The following PHAX variants were observed in gnomAD, a reference collection of about 807,000 sequenced individuals.
PHAX encodes the protein phosphorylated adapter RNA export protein.
Under a neutral mutation model 41.6 loss-of-function variants are expected in PHAX, and 31 were observed. The observed-to-expected ratio is 0.75, with a 90% CI of 0.56 to 1.01. The LOEUF (loss-of-function observed/expected upper bound fraction) is 1.01, where lower values mean the gene tolerates loss of function less well. PHAX is among the 50% of genes least tolerant of loss of function. The probability of loss-of-function intolerance (pLI) is 0.00; values close to 1 mark genes in which losing one functional copy is unlikely to be tolerated. For synonymous variants in PHAX, 175 were observed against 164.9 expected (o/e 1.06, Z -0.47); for missense variants, 453 against 472.9 (o/e 0.96, Z 0.39).
intron 3 of PHAX, among the ~76,000 whole-genome samples, chr5:126,609,070 A>C (rs1227471124): frequency 6.8e-6 from 1 of 147,742 alleles, no homozygotes; most frequent in Non-Finnish European, 1.5e-5. Context: ...CATTTCTTAC[A>C]TGATTTGTTA....
chr5:126,618,140 GA>G (rs1474051568), intron 4 of PHAX, among the ~76,000 whole-genome samples: 1 of 149,696 alleles, frequency 6.7e-6, no homozygotes, highest in Non-Finnish European at 1.5e-5. Context: ...TTTTTGTAGA[GA>G]TGTTGCCCAG....
At chr5:126,614,156 T>C (rs909845878) in intron 3 of PHAX, among the ~76,000 whole-genome samples, 1 of 152,158 alleles carries the variant, frequency 6.6e-6, no homozygotes, top group Non-Finnish European at 1.5e-5. Context: ...TGGAGTACAG[T>C]GTTGCCATCT....
chr5:126,608,274 A>G lies in PHAX; in HGVS notation c.711-90A>G. On this transcript the variant is annotated intron_variant, in intron 2 of 4. Transcript: ENST00000297540. ...ATTTAGAAAACCAAAAGTTACTAGAATCAGATTTTTATTCTAGCTGGTGAC... is the reference window on the plus strand; with the variant it reads ...ATTTAGAAAACCAAAAGTTACTAGAGTCAGATTTTTATTCTAGCTGGTGAC... 7 of 1,445,110 alleles carry G rather than the reference A, an allele frequency of 4.8e-6. No individual in the cohort carries two copies. The South Asian group carries it at 8.7e-5, about 18-fold the overall frequency. 89.5% of individuals were successfully genotyped at this position (1,445,110 alleles called of 1,614,324 possible).
chr5:126,620,392 A>G (rs376102511), intron 4 of PHAX, among the ~76,000 whole-genome samples: 1 of 152,356 alleles, frequency 6.6e-6, no homozygotes, highest in East Asian at 1.9e-4. Context: ...CTCAGGCAGG[A>G]GAAAAGAAAT....
At chr5:126,611,154 C>T (rs1752090910) in intron 3 of PHAX, among the ~76,000 whole-genome samples, 1 of 151,994 alleles carries the variant, frequency 6.6e-6, no homozygotes, top group South Asian at 2.1e-4. Flanking sequence ...CTCCCGGGTT[C>T]AAGCGATTCT....
At chr5:126,601,253 CG>C (rs1023349062) in intron 1 of PHAX, among the ~76,000 whole-genome samples, 195 bp downstream of exon 1, 7 of 152,004 alleles carry the variant, frequency 4.6e-5, no homozygotes, top group African/African-American at 1.2e-4. Context: ...GCCCGGGCTG[CG>C]GGGGCCGAGG....
At chr5:126,618,944 C>G (rs1051296456) in intron 4 of PHAX, among the ~76,000 whole-genome samples, 17 of 152,132 alleles carry the variant, frequency 1.1e-4, no homozygotes, top group Admixed American at 3.9e-4. Context: ...GCATGAGCCA[C>G]CACGCCCGGC....
At position 126,603,719 on chromosome 5, in the gene PHAX, C is replaced by T. The variant is rs1325366129; in HGVS notation, c.246C>T (p.Arg82=). Residue 82 remains arginine, a synonymous_variant, in exon 2 of 5, where the codon CGC becomes CGT. Coordinates refer to ENST00000297540, the MANE Select transcript of PHAX (RefSeq NM_032177.4). ...ATGATGATAGCTGTCTTTGGAAACG[C>T]AAACGACAGAAATGTTTTAACCCTC... ...DSDDDSCLWK[R]KRQKCFNPPP... is the part of the protein sequence containing the mutation. 7 of 1,614,132 alleles carry T rather than the reference C, an allele frequency of 4.3e-6. No individual in the cohort carries two copies. The East Asian group carries it at 1.6e-4, about 36-fold the overall frequency.
intron 2 of PHAX, among the ~76,000 whole-genome samples, chr5:126,607,850 G>A (rs964592703): frequency 3.3e-5 from 5 of 152,104 alleles, no homozygotes; most frequent in African/African-American, 9.7e-5. Flanking sequence ...TGCATGTAAG[G>A]TTCTTAGGAT....
In PHAX at chr5:126,603,776, G is replaced by C; in HGVS notation, c.303G>C (p.Gln101His). ...PPKPEPFQFGQSSQKPPVAGG... is the reference protein window; with the variant it reads ...PPKPEPFQFGHSSQKPPVAGG... Reference sequence around the variant, plus strand: ...AACCAGAGCCTTTTCAGTTTGGCCAGAGCAGTCAGAAACCACCTGTTGCTG... The same window carrying C: ...AACCAGAGCCTTTTCAGTTTGGCCACAGCAGTCAGAAACCACCTGTTGCTG... Residue 101 changes from glutamine (Q) to histidine (H), a missense_variant, in exon 2 of 5, where the codon CAG becomes CAC. Transcript: ENST00000297540. The C allele has an allele frequency of 6.2e-7, 1 of 1,614,128 alleles. No homozygotes were observed. Among genetic ancestry groups the C allele is most frequent in the Non-Finnish European group, 8.5e-7 (1 of 1,180,036 alleles).
intron 2 of PHAX, 45 bp downstream of exon 2, chr5:126,604,228 A>G: frequency 7.0e-7 from 1 of 1,421,374 alleles, no homozygotes; most frequent in Middle Eastern, 1.9e-4. Flanking sequence ...GATGGCTTCT[A>G]TTTACAGGAA....
At chr5:126,603,439 T>C (rs1326938396) in intron 1 of PHAX, 131 bp from the exon 2 acceptor site, 3 of 964,028 alleles carry the variant, frequency 3.1e-6, no homozygotes, top group African/African-American at 1.6e-5. Context: ...AGGAACTTGA[T>C]TGGTCTCAGA....
At chr5:126,604,416 C>A (rs1236856802) in intron 2 of PHAX, among the ~76,000 whole-genome samples, 1 of 151,234 alleles carries the variant, frequency 6.6e-6, no homozygotes, top group African/African-American at 2.4e-5. Context: ...AGGTATGCAC[C>A]CCCACGCCCA....
At chr5:126,604,651 C>G (rs1241960601) in intron 2 of PHAX, among the ~76,000 whole-genome samples, 1 of 152,018 alleles carries the variant, frequency 6.6e-6, no homozygotes. Flanking sequence ...TCACTGGAAC[C>G]TAGAACTCTT....
chr5:126,622,375 G>A (rs929341600), intron 4 of PHAX, among the ~76,000 whole-genome samples: 2 of 147,826 alleles, frequency 1.4e-5, no homozygotes, highest in African/African-American at 2.5e-5. Flanking sequence ...CTCGTGATCC[G>A]CCCGCCTCAG....
At chr5:126,614,219 C>T (rs1052190310) in intron 3 of PHAX, among the ~76,000 whole-genome samples, 1 of 152,048 alleles carries the variant, frequency 6.6e-6, no homozygotes, top group Non-Finnish European at 1.5e-5. Flanking sequence ...CTGCCCTCAG[C>T]CTTCTGAGTA....
chr5:126,617,923 TTTTA>T lies in PHAX; in HGVS notation c.915+594_915+597del. 4.6e-5 allele frequency among the ~76,000 whole-genome samples: 7 copies of T among 152,036 alleles called. 1 individual carries two copies. The highest frequency in any genetic ancestry group is 4.6e-4 in the Admixed American group (7 of 15,248). On this transcript the variant is annotated intron_variant, in intron 4 of 4. Coordinates refer to ENST00000297540, the MANE Select transcript of PHAX (RefSeq NM_032177.4). ...ACCATTCTTTCTTTACCTATACACT[TTTTA>T]TTTGTTTCTCTATTTCTTTCTTTCT...
Position 126,600,949 on chromosome 5 carries a change from C to A in PHAX, c.-14C>A. On this transcript the variant is annotated 5_prime_UTR_variant, in exon 1 of 5. Coordinates refer to ENST00000297540, the MANE Select transcript of PHAX (RefSeq NM_032177.4). ...CCTGACCCGCCGCTGTGCAGCGCAG[C>A]GCACCGCGGGAAGATGGCGTTGGAG... is the stretch of plus-strand genomic sequence containing the variant. 6.3e-7 allele frequency: 1 copy of A among 1,588,366 alleles called. No individual in the cohort carries two copies. Among genetic ancestry groups the A allele is most frequent in the Non-Finnish European group, 8.6e-7 (1 of 1,162,444 alleles).
chr5:126,621,053 A>G (rs754455284), intron 4 of PHAX, among the ~76,000 whole-genome samples: 4 of 151,792 alleles, frequency 2.6e-5, no homozygotes, highest in Non-Finnish European at 5.9e-5. Flanking sequence ...TCTTTTTAAA[A>G]AGAGACGGTT....
Sources: allele counts gnomAD v4.1 joint callset (sites outside exome capture counted in the v4.1 genomes callset), GRCh38; gene constraint gnomAD v4.1.1; transcripts MANE v1.5; gene names NCBI Gene and HGNC (gene_info 2026-07-23, HGNC 2026-07-21).